DCTD: variants seen among roughly 807,000 people sequenced by gnomAD.
DCTD encodes the protein deoxycytidylate deaminase.
In DCTD, 23 loss-of-function variants were observed where a neutral mutation model predicts 21.0. The observed-to-expected ratio is 1.09, with a 90% CI of 0.79 to 1.55. The LOEUF is 1.55. Ranked by LOEUF, DCTD falls within the 40% of genes most tolerant of loss-of-function variation. DCTD has a pLI of 0.00. For synonymous variants in DCTD, 71 were observed against 81.1 expected (o/e 0.88, Z 0.67); for missense variants, 224 against 230.0 (o/e 0.97, Z 0.17).
intron 3 of DCTD, among the ~76,000 whole-genome samples, chr4:182,895,059 T>C (rs1174677583): frequency 2.6e-5 from 4 of 152,226 alleles, no homozygotes; most frequent in Admixed American, 1.3e-4. Context: ...CACATCGTGC[T>C]CAGCCCACAT....
At chr4:182,903,605 GGGAGAAAGT>G (rs898444471) in intron 3 of DCTD, among the ~76,000 whole-genome samples, 15 of 152,244 alleles carry the variant, frequency 9.9e-5, no homozygotes, top group Admixed American at 5.9e-4. Flanking sequence ...CCAAGGTCTG[GGGAGAAAGT>G]GGTGGGTCAC....
chr4:182,905,397 C>T lies in DCTD; in HGVS notation c.244+9526G>A, dbSNP rs1287811347. On this transcript the variant is annotated intron_variant, in intron 3 of 5. Coordinates refer to ENST00000438320, the MANE Select transcript of DCTD (RefSeq NM_001921.3). ...AGGCTGGAGTGCAATGGCGCGATCT[C>T]GGCTCACTGCAACCTCCGCCTCCCA... 8.1e-5 allele frequency among the ~76,000 whole-genome samples: 12 copies of T among 148,692 alleles called. No homozygotes were observed. In the East Asian group the frequency reaches 2.4e-3, roughly 29 times the overall value.
At chr4:182,908,622 G>A (rs1737129130) in intron 3 of DCTD, among the ~76,000 whole-genome samples, 1 of 145,722 alleles carries the variant, frequency 6.9e-6, no homozygotes, top group Non-Finnish European at 1.5e-5. Context: ...GGTGGAGGCT[G>A]CAGTGAGCCA....
chr4:182,915,579 G>C lies in DCTD; in HGVS notation c.-7-4C>G, dbSNP rs781191164. On this transcript the variant is annotated splice_polypyrimidine_tract_variant and splice_region_variant and intron_variant, in intron 1 of 5. Transcript: ENST00000438320. ...GGAAACTTCACTCATGTTGGGTCTAGAAGAAAAACATGACAAAACAGAAGT... is the reference window on the plus strand; with the variant it reads ...GGAAACTTCACTCATGTTGGGTCTACAAGAAAAACATGACAAAACAGAAGT... 11 of 1,572,046 alleles carry C rather than the reference G, an allele frequency of 7.0e-6. No individual in the cohort carries two copies. The highest frequency in any genetic ancestry group is 2.2e-5 in the East Asian group (1 of 44,692).
intron 3 of DCTD, among the ~76,000 whole-genome samples, chr4:182,895,462 C>T (rs888637572): frequency 3.9e-5 from 6 of 152,190 alleles, no homozygotes; most frequent in Non-Finnish European, 4.4e-5. Context: ...CCCATGATCC[C>T]GGGTCACATC....
At chr4:182,904,480 A>C (rs17074254) in intron 3 of DCTD, among the ~76,000 whole-genome samples, 1,887 of 152,290 alleles carry the variant, frequency 0.012, 95 homozygotes, top group Admixed American at 0.1. Flanking sequence ...TAGCGTTTAG[A>C]GGGGAACCGG....
chr4:182,917,419 A>C (rs566616497), upstream of DCTD: 686 of 977,288 alleles, frequency 7.0e-4, 2 homozygotes, highest in African/African-American at 0.01. This position sits in a 1 kb window ranked among gnomAD's most constrained non-coding sequence, Gnocchi z 4.9. Context: ...GGAAGGGGGC[A>C]GCGGCCCGGG....
intron 3 of DCTD, among the ~76,000 whole-genome samples, chr4:182,898,867 G>A (rs1735214979): frequency 6.6e-6 from 1 of 152,174 alleles, no homozygotes; most frequent in Admixed American, 6.5e-5. Context: ...TTTTCAAACT[G>A]CAGGTCATGA....
At chr4:182,895,627 A>G (rs944983200) in intron 3 of DCTD, among the ~76,000 whole-genome samples, 5 of 152,160 alleles carry the variant, frequency 3.3e-5, no homozygotes, top group African/African-American at 1.2e-4. Context: ...AGTGGTGCCC[A>G]CAGCACACAC....
intron 3 of DCTD, among the ~76,000 whole-genome samples, chr4:182,895,484 G>A (rs1410119044): frequency 2.0e-5 from 3 of 152,178 alleles, no homozygotes; most frequent in Non-Finnish European, 4.4e-5. Context: ...GGACCTGCCT[G>A]AGTTCAGAGT....
intron 4 of DCTD, among the ~76,000 whole-genome samples, chr4:182,893,915 T>C (rs1251330940): frequency 6.6e-6 from 1 of 152,212 alleles, no homozygotes; most frequent in Non-Finnish European, 1.5e-5. Context: ...AGCCGAGAGT[T>C]TTATGGAGAC....
intron 2 of DCTD, 78 bp from the exon 3 acceptor site, chr4:182,915,136 G>C: frequency 1.9e-6 from 3 of 1,571,776 alleles, no homozygotes; most frequent in Non-Finnish European, 2.6e-6. Context: ...ATAAAACCAG[G>C]GGGACTGCAG....
Position 182,917,214 on chromosome 4 carries a change from G to T in DCTD, c.-8+97C>A. On this transcript the variant is annotated intron_variant, in intron 1 of 5. Coordinates refer to ENST00000438320, the MANE Select transcript of DCTD (RefSeq NM_001921.3). The surrounding 1 kb of genome is among the most constrained non-coding windows in gnomAD (Gnocchi z 4.9). ...CGTCCGCGGCCCCAGGCCCCCGCCC[G>T]GCAGCCAGCGCCCCGCGCCACGCGC... 2 of 994,308 alleles carry T rather than the reference G, an allele frequency of 2.0e-6. No homozygotes were observed. The highest frequency in any genetic ancestry group is 9.1e-5 in the South Asian group (2 of 21,906). The allele number at this position is 994,308 out of a possible 1,614,324, so 61.6% of individuals were successfully genotyped here.
intron 3 of DCTD, among the ~76,000 whole-genome samples, chr4:182,908,682 C>CAAAAA (rs34915632): frequency 1.2e-3 from 75 of 63,700 alleles, no homozygotes; most frequent in Non-Finnish European, 1.3e-3. Context: ...GACTCTGTCT[C>CAAAAA]AAAAAAAAAA....
At chr4:182,895,461 C>T (rs774908931) in intron 3 of DCTD, among the ~76,000 whole-genome samples, 1 of 152,180 alleles carries the variant, frequency 6.6e-6, no homozygotes, top group Non-Finnish European at 1.5e-5. Flanking sequence ...ACCCATGATC[C>T]CGGGTCACAT....
At chr4:182,895,269 C>G (rs965360042) in intron 3 of DCTD, among the ~76,000 whole-genome samples, 1 of 152,184 alleles carries the variant, frequency 6.6e-6, no homozygotes, top group African/African-American at 2.4e-5. Flanking sequence ...TGGAGTCTCA[C>G]TATGTTGCCC....
chr4:182,901,421 A>G (rs2152858174), intron 3 of DCTD, among the ~76,000 whole-genome samples: 1 of 152,268 alleles, frequency 6.6e-6, no homozygotes, highest in Admixed American at 6.5e-5. Context: ...CTTAAAGAAA[A>G]CGATGTCCTT....
chr4:182,913,687 G>A (rs1579780044), intron 3 of DCTD, among the ~76,000 whole-genome samples: 1 of 152,106 alleles, frequency 6.6e-6, no homozygotes, highest in Non-Finnish European at 1.5e-5. Flanking sequence ...TTCCAACAGC[G>A]CCAGTCTGTT....
At chr4:182,908,699 AAAAAAAGAAG>A (rs1561339202) in intron 3 of DCTD, among the ~76,000 whole-genome samples, 2 of 150,394 alleles carry the variant, frequency 1.3e-5, no homozygotes, top group Admixed American at 1.3e-4. Context: ...AAAAAAAAAA[AAAAAAAGAAG>A]AAGAAGAAGA....
Sources: gnomAD v4.1 joint callset for allele counts (sites outside exome capture counted in the v4.1 genomes callset) on GRCh38, gnomAD v4.1.1 for gene constraint, Gnocchi (gnomAD v3.1) non-coding constraint, MANE v1.5 for transcripts, NCBI Gene and HGNC (gene_info 2026-07-23, HGNC 2026-07-21) for gene names.